The following HTT variants were observed in gnomAD, a reference collection of about 807,000 sequenced individuals.
HTT encodes huntington disease protein.
HTT carries 104 observed loss-of-function variants against 362.3 expected under a neutral mutation model. The observed-to-expected ratio is 0.29, with a 90% CI of 0.24 to 0.34. The LOEUF (loss-of-function observed/expected upper bound fraction) is 0.34, where lower values mean the gene tolerates loss of function less well. Among genes scored for constraint, HTT ranks in the 10% least tolerant of loss-of-function variants. The pLI, the probability that HTT is intolerant of heterozygous loss-of-function variation, is 1.00. For missense variants in HTT, 3,301 were observed against 3,928.6 expected, an observed-to-expected ratio of 0.84 and a Z score of 4.27; for synonymous variants, 1,577 against 1,548.7, an observed-to-expected ratio of 1.02 and a Z score of -0.43.
chr4:3,199,184 C>T (rs557957171), intron 40 of HTT, among the ~76,000 whole-genome samples: 4 of 152,314 alleles, frequency 2.6e-5, no homozygotes, highest in South Asian at 2.1e-4. Flanking sequence ...TTGGCATTGC[C>T]GACCAATGTG....
chr4:3,174,700 C>T, intron 31 of HTT, 21 bp from the exon 32 acceptor site: 1 of 1,583,364 alleles, frequency 6.3e-7, no homozygotes, highest in Non-Finnish European at 8.7e-7. Context: ...TCTCTGCTTC[C>T]CTTTTATTCC....
Position 3,239,836 on chromosome 4 carries a change from C to G in HTT, c.9216-10C>G. 6.4e-7 allele frequency: 1 copy of G among 1,551,786 alleles called. No homozygotes were observed. Among genetic ancestry groups the G allele is most frequent in the African/African-American group, 1.4e-5 (1 of 73,308 alleles). On this transcript the variant is annotated splice_polypyrimidine_tract_variant and intron_variant, in intron 66 of 66. Transcript: ENST00000355072. ...CATTTGCCGGCCTTTTTCCTTAACTCCTGCACCAGCCTCCCACATGTCATC... is the reference window on the plus strand; with the variant it reads ...CATTTGCCGGCCTTTTTCCTTAACTGCTGCACCAGCCTCCCACATGTCATC...
chr4:3,208,825 G>A lies in HTT; in HGVS notation c.6205G>A (p.Asp2069Asn), dbSNP rs1174013108. The change falls in exon 46 of 67, where the codon GAC (aspartate) becomes AAC (asparagine). Residue 2069 changes from aspartate to asparagine, a missense_variant. Asp to Asn is a conservative substitution (Grantham distance 23). Around this residue, in one of 4 missense-constraint regions of HTT, gnomAD observed 2,316 missense variants for 2,658.5 expected, o/e 0.87. Transcript: ENST00000355072. ...CAGGTTTCGTCTCTCCACCATGCAAGACTCACTTAGTCCCTCTCCTCCAGT... is the reference window on the plus strand; with the variant it reads ...CAGGTTTCGTCTCTCCACCATGCAAAACTCACTTAGTCCCTCTCCTCCAGT... ...LDRFRLSTMQDSLSPSPPVSS... is the reference protein window; with the variant it reads ...LDRFRLSTMQNSLSPSPPVSS... The A allele has an allele frequency of 1.2e-6, 2 of 1,613,934 alleles. No homozygotes were observed. Among genetic ancestry groups the A allele is most frequent in the African/African-American group, 1.3e-5 (1 of 74,896 alleles).
chr4:3,127,481 C>A lies in HTT; in HGVS notation c.1620C>A (p.Val540=), dbSNP rs1319415741. ...LSHSSSQVSA[V]PSDPAMDLND... Reference sequence around the variant, plus strand: ...ACAGCTCCAGCCAGGTCAGCGCCGTCCCATCTGACCCTGCCATGGACCTGA... The same window carrying A: ...ACAGCTCCAGCCAGGTCAGCGCCGTACCATCTGACCCTGCCATGGACCTGA... Residue 540 remains valine (V), a synonymous_variant, in exon 12 of 67, where the codon GTC becomes GTA. Coordinates refer to ENST00000355072, the MANE Select transcript of HTT (RefSeq NM_001388492.1). 3.1e-6 allele frequency: 5 copies of A among 1,614,078 alleles called. No homozygotes were observed. The highest frequency in any genetic ancestry group is 4.2e-6 in the Non-Finnish European group (5 of 1,180,044).
chr4:3,094,928 G>A (rs1295192392), intron 2 of HTT, among the ~76,000 whole-genome samples: 1 of 151,848 alleles, frequency 6.6e-6, no homozygotes, highest in Non-Finnish European at 1.5e-5. Context: ...CATCTCAGAC[G>A]GGGCGGCGGG....
intron 40 of HTT, among the ~76,000 whole-genome samples, chr4:3,197,563 G>A (rs1053091880): frequency 1.3e-5 from 2 of 152,042 alleles, no homozygotes; most frequent in Admixed American, 6.5e-5. Flanking sequence ...CTGCCACCCC[G>A]GGGGCTGAGT....
At chr4:3,179,675 G>T (rs1376619330) in intron 35 of HTT, among the ~76,000 whole-genome samples, 1 of 147,720 alleles carries the variant, frequency 6.8e-6, no homozygotes, top group Admixed American at 6.8e-5. Context: ...TGTCACTGAG[G>T]GGTCAGAGTG....
chr4:3,209,478 G>T (rs755545631), intron 46 of HTT, among the ~76,000 whole-genome samples: 19 of 152,304 alleles, frequency 1.2e-4, no homozygotes, highest in Non-Finnish European at 2.6e-4. Context: ...GGCTCTATTC[G>T]CTAAGCACCT....
rs1721842666 is a variant in HTT at position 3,242,356 on chromosome 4, A to C, written c.*2297A>C. The stretch of plus-strand genomic sequence containing the variant: ...CTCCGGAGATGAATATGAGCTCATT[A>C]GTAAAAATGACTTCACCCACGCATA... On this transcript the variant is annotated 3_prime_UTR_variant, in exon 67 of 67. Coordinates refer to ENST00000355072, the MANE Select transcript of HTT (RefSeq NM_001388492.1). 6.6e-6 allele frequency: 1 copy of C among 152,224 alleles called. No homozygotes were observed. The allele number at this position is 152,224 out of a possible 1,614,324, so 9.4% of individuals were successfully genotyped here.
intron 2 of HTT, among the ~76,000 whole-genome samples, chr4:3,090,666 C>A (rs1190059066): frequency 6.6e-6 from 1 of 152,028 alleles, no homozygotes; most frequent in Non-Finnish European, 1.5e-5. Flanking sequence ...ATATAGGTGA[C>A]CACTTTCTAG....
chr4:3,092,573 G>A (rs1578490547), intron 2 of HTT, among the ~76,000 whole-genome samples: 1 of 152,074 alleles, frequency 6.6e-6, no homozygotes, highest in African/African-American at 2.4e-5. Context: ...TTATAGATGA[G>A]ATCTTGCTGT....
chr4:3,169,966 G>T (rs1717897491), intron 29 of HTT, among the ~76,000 whole-genome samples: 1 of 152,094 alleles, frequency 6.6e-6, no homozygotes, highest in Non-Finnish European at 1.5e-5. Flanking sequence ...GTTTAGCTTT[G>T]TGAACACAAT....
At position 3,131,677 on chromosome 4, in the gene HTT, C is replaced by T. The variant is rs750309243; in HGVS notation, c.2138C>T (p.Ala713Val). 4 of 1,613,896 alleles carry T rather than the reference C, an allele frequency of 2.5e-6. No homozygotes were observed. The African/African-American group carries it at 5.3e-5, about 22-fold the overall frequency. The change falls in exon 16 of 67, where the codon GCC (alanine) becomes GTC (valine). Residue 713 changes from alanine (A) to valine (V), a missense_variant. Physicochemically the swap from Ala to Val is moderately conservative, Grantham distance 64 (BLOSUM62 0). Coordinates refer to ENST00000355072, the MANE Select transcript of HTT (RefSeq NM_001388492.1). ...AGGGATGTGAGGGTCAGCGTGAAGG[C>T]CCTGGCCCTCAGCTGTGTGGGAGCA... ...PDRDVRVSVK[A>V]LALSCVGAAV...
intron 12 of HTT, chr4:3,128,726 A>T (rs1388002676): frequency 2.0e-5 from 3 of 152,202 alleles, no homozygotes; most frequent in East Asian, 3.8e-4. Context: ...GTCCATGTTG[A>T]GTTTTATACT....
intron 18 of HTT, among the ~76,000 whole-genome samples, chr4:3,133,269 A>C (rs1475171769): frequency 6.6e-6 from 1 of 151,324 alleles, no homozygotes; most frequent in Non-Finnish European, 1.5e-5. Flanking sequence ...GGATTGCTTG[A>C]GCCCAGGAGT....
intron 1 of HTT, among the ~76,000 whole-genome samples, chr4:3,085,790 C>T: frequency 6.6e-6 from 1 of 152,142 alleles, no homozygotes; most frequent in East Asian, 1.9e-4. Context: ...TTTAGTTGGT[C>T]CTATGTTTTG....
At chr4:3,127,720 T>C in intron 12 of HTT, 116 bp downstream of exon 12, 1 of 737,344 alleles carries the variant, frequency 1.4e-6, no homozygotes, top group Non-Finnish European at 2.2e-6. Flanking sequence ...TCCCAGCACT[T>C]TGGGAGACTG....
At chr4:3,157,454 A>G (rs1370572835) in intron 28 of HTT, among the ~76,000 whole-genome samples, 1 of 152,224 alleles carries the variant, frequency 6.6e-6, no homozygotes, top group East Asian at 1.9e-4. Flanking sequence ...CAGCCAGGTT[A>G]TAGGGGGAAG....
At chr4:3,156,253 G>A (rs1194992353) in intron 27 of HTT, among the ~76,000 whole-genome samples, 1 of 152,136 alleles carries the variant, frequency 6.6e-6, no homozygotes, top group Admixed American at 6.5e-5. Flanking sequence ...CTGAGTAGCT[G>A]GGATTACAGG....
Sources: gnomAD v4.1 joint callset for allele counts (sites outside exome capture counted in the v4.1 genomes callset) on GRCh38, gnomAD v4.1.1 for gene constraint, gnomAD v4.1.1 regional missense constraint, MANE v1.5 for transcripts, NCBI Gene and HGNC (gene_info 2026-07-23, HGNC 2026-07-21) for gene names.